Variants in RIMKLB observed in about 807,000 individuals in gnomAD.
RIMKLB encodes beta-citrylglutamate synthase B.
In RIMKLB, 7 loss-of-function variants were observed where a neutral mutation model predicts 32.0. The observed-to-expected ratio is 0.22, with a 90% CI of 0.12 to 0.41. RIMKLB has a LOEUF of 0.41. RIMKLB is among the 10% of genes least tolerant of loss of function. RIMKLB has a pLI of 1.00. For synonymous variants in RIMKLB, 172 were observed against 185.1 expected (o/e 0.93, Z 0.57); for missense variants, 289 against 498.7 (o/e 0.58, Z 4.00).
chr12:8,677,295 TAC>T (rs1286888902), upstream of RIMKLB, among the ~76,000 whole-genome samples: 2 of 152,170 alleles, frequency 1.3e-5, no homozygotes, highest in Non-Finnish European at 2.9e-5. Context: ...TCTACTAAGT[TAC>T]ACAGTTGAAA....
chr12:8,773,888 T>A lies in RIMKLB; in HGVS notation c.*104T>A. The A allele has an allele frequency of 6.8e-7, 1 of 1,463,982 alleles. No individual in the cohort carries two copies. The highest frequency in any genetic ancestry group is 9.0e-7 in the Non-Finnish European group (1 of 1,109,834). The allele number at this position is 1,463,982 out of a possible 1,614,324, so 90.7% of individuals were successfully genotyped here. The stretch of plus-strand genomic sequence containing the variant: ...TGTTCATGGAGGATGCTCAGGAAGA[T>A]GAGAGAAAATTAGTAGGATTAGTTG... On this transcript the variant is annotated 3_prime_UTR_variant, in exon 6 of 6. Coordinates refer to ENST00000535829, the MANE Select transcript of RIMKLB (RefSeq NM_001297776.2).
intron 1 of RIMKLB, among the ~76,000 whole-genome samples, chr12:8,688,627 T>G (rs560343333): frequency 5.5e-4 from 83 of 152,278 alleles, no homozygotes; most frequent in Admixed American, 1.4e-3. Flanking sequence ...ATTACAGGTA[T>G]ATTTTGGTTA....
At chr12:8,686,789 A>G (rs1333995193) in intron 1 of RIMKLB, among the ~76,000 whole-genome samples, 2 of 152,130 alleles carry the variant, frequency 1.3e-5, no homozygotes, top group African/African-American at 4.8e-5. Flanking sequence ...GCCTCCACTG[A>G]CTTTTAAAAA....
chr12:8,686,846 T>G (rs1270106829), intron 1 of RIMKLB, among the ~76,000 whole-genome samples: 2 of 152,166 alleles, frequency 1.3e-5, no homozygotes, highest in East Asian at 3.9e-4. Flanking sequence ...CAGTGTTCAA[T>G]CCTATGCAGA....
the RIMKLB span, chr12:8,669,057 C>G: frequency 0.063 from 9,823 of 155,060 alleles, 964 homozygotes; most frequent in African/African-American, 0.21. Flanking sequence ...AATACCCAAG[C>G]CTGGGTAAGT....
At position 8,774,061 on chromosome 12, in the gene RIMKLB, T is replaced by A; in HGVS notation, c.*277T>A. On this transcript the variant is annotated 3_prime_UTR_variant, in exon 6 of 6. Coordinates refer to ENST00000535829, the MANE Select transcript of RIMKLB (RefSeq NM_001297776.2). ...TTAAATTGCTAAAAAATGTGTATGC[T>A]CATAGGCCATGAGGAACAAATACTT... is the stretch of plus-strand genomic sequence containing the variant. 1 of 1,183,386 alleles carries A rather than the reference T, an allele frequency of 8.5e-7. No individual in the cohort carries two copies. Among genetic ancestry groups the A allele is most frequent in the South Asian group, 3.5e-5 (1 of 28,510 alleles). 73.3% of individuals were successfully genotyped at this position (1,183,386 alleles called of 1,614,324 possible).
At chr12:8,690,572 G>A (rs1942704024) in intron 1 of RIMKLB, among the ~76,000 whole-genome samples, 1 of 152,184 alleles carries the variant, frequency 6.6e-6, no homozygotes, top group Non-Finnish European at 1.5e-5. Flanking sequence ...TTTGCTAGCT[G>A]AGTGACTTCG....
intron 5 of RIMKLB, among the ~76,000 whole-genome samples, chr12:8,765,480 T>TTA (rs1949879569): frequency 6.6e-6 from 1 of 152,154 alleles, no homozygotes; most frequent in Non-Finnish European, 1.5e-5. Context: ...GGTGTTAGTG[T>TTA]CTGATTTAGC....
intron 1 of RIMKLB, among the ~76,000 whole-genome samples, chr12:8,712,060 G>A (rs892229369): frequency 6.6e-6 from 1 of 152,212 alleles, no homozygotes; most frequent in Non-Finnish European, 1.5e-5. Flanking sequence ...GAAACACTCT[G>A]TTTAAGGAGG....
chr12:8,748,950 A>G (rs1948390184), intron 2 of RIMKLB, among the ~76,000 whole-genome samples: 1 of 151,888 alleles, frequency 6.6e-6, no homozygotes, highest in African/African-American at 2.4e-5. Context: ...AAAAGAAGCA[A>G]CTCATATAAA....
In RIMKLB at chr12:8,773,528, A is replaced by G; in HGVS notation, c.905A>G (p.Tyr302Cys). ...GATGTAGCTGGTATCATAGCAGACT[A>G]TGCCGCCTCCCTTCTACCCTCTGGC... ...NLDVAGIIAD[Y>C]AASLLPSGRL... is the part of the protein sequence containing the mutation. Residue 302 changes from tyrosine (Y) to cysteine (C), a missense_variant, in exon 6 of 6, where the codon TAT becomes TGT. Around this residue, in one of 3 missense-constraint regions of RIMKLB, gnomAD observed 99 missense variants for 133.9 expected, o/e 0.74. Coordinates refer to ENST00000535829, the MANE Select transcript of RIMKLB (RefSeq NM_001297776.2). The G allele has an allele frequency of 6.2e-7, 1 of 1,614,218 alleles. No homozygotes were observed. The highest frequency in any genetic ancestry group is 8.5e-7 in the Non-Finnish European group (1 of 1,180,030).
downstream of RIMKLB, chr12:8,779,607 A>AT (rs1279800554): frequency 6.6e-6 from 1 of 152,100 alleles, no homozygotes; most frequent in Non-Finnish European, 1.5e-5. Flanking sequence ...TTATTTCCTG[A>AT]TTTTTTTAAA....
Position 8,751,995 on chromosome 12 carries a change from G to A in RIMKLB, c.445G>A (p.Glu149Lys). The A allele has an allele frequency of 2.5e-6, 4 of 1,613,800 alleles. No homozygotes were observed. Among genetic ancestry groups the A allele is most frequent in the Non-Finnish European group, 3.4e-6 (4 of 1,179,786 alleles). ...ENFAKMIDEA[E>K]VLEFPMVVKN... ...TTTTGCTAAAATGATTGATGAGGCT[G>A]AAGTTCTGGAGTTCCCAATGGTAGT... Residue 149 changes from glutamate (E) to lysine (K), a missense_variant, in exon 4 of 6, where the codon GAA (glutamate) becomes AAA (lysine). Glu to Lys is a moderately conservative substitution (Grantham distance 56, BLOSUM62 1). Around this residue, in one of 3 missense-constraint regions of RIMKLB, gnomAD observed 156 missense variants for 329.5 expected, o/e 0.47. Coordinates refer to ENST00000535829, the MANE Select transcript of RIMKLB (RefSeq NM_001297776.2).
In RIMKLB at chr12:8,773,531, C is replaced by T; in HGVS notation, c.908C>T (p.Ala303Val). 1.2e-6 allele frequency: 2 copies of T among 1,614,224 alleles called. No individual in the cohort carries two copies. The highest frequency in any genetic ancestry group is 1.7e-6 in the Non-Finnish European group (2 of 1,180,022). The change falls in exon 6 of 6, where the codon GCC becomes GTC. Residue 303 changes from alanine to valine, a missense_variant. Coordinates refer to ENST00000535829, the MANE Select transcript of RIMKLB (RefSeq NM_001297776.2). The part of the protein sequence containing the change: ...LDVAGIIADY[A>V]ASLLPSGRLT... Reference sequence around the variant, plus strand: ...GTAGCTGGTATCATAGCAGACTATGCCGCCTCCCTTCTACCCTCTGGCCGG... The same window carrying T: ...GTAGCTGGTATCATAGCAGACTATGTCGCCTCCCTTCTACCCTCTGGCCGG...
upstream of RIMKLB, among the ~76,000 whole-genome samples, chr12:8,678,276 A>C (rs1252538063): frequency 6.6e-6 from 1 of 151,786 alleles, no homozygotes; most frequent in African/African-American, 2.4e-5. Context: ...TTGGCCTCCC[A>C]AAGTGCTAGG....
intron 5 of RIMKLB, among the ~76,000 whole-genome samples, chr12:8,756,684 CTTTTTTTTTT>C (rs145312687): frequency 1.3e-4 from 12 of 90,966 alleles, no homozygotes; most frequent in African/African-American, 1.8e-4. Flanking sequence ...TTACTTTCTA[CTTTTTTTTTT>C]TTTTTTTTTT....
intron 3 of RIMKLB, 77 bp downstream of exon 3, chr12:8,750,169 A>G: frequency 1.2e-6 from 1 of 847,756 alleles, no homozygotes; most frequent in Non-Finnish European, 2.0e-6. Context: ...ACAGACATGA[A>G]AGAACACCTT....
At chr12:8,754,739 C>T (rs970099996) in intron 5 of RIMKLB, among the ~76,000 whole-genome samples, 14 of 152,104 alleles carry the variant, frequency 9.2e-5, no homozygotes, top group African/African-American at 3.1e-4. Flanking sequence ...ACAATGTGTT[C>T]TACCTGTAGT....
chr12:8,766,789 G>A (rs1394853731), intron 5 of RIMKLB, among the ~76,000 whole-genome samples: 1 of 152,218 alleles, frequency 6.6e-6, no homozygotes, highest in Non-Finnish European at 1.5e-5. Context: ...GCTAGGTTAA[G>A]GGAATTTTCA....
Sources: allele counts gnomAD v4.1 joint callset (sites outside exome capture counted in the v4.1 genomes callset), GRCh38; gene constraint gnomAD v4.1.1; regional missense constraint gnomAD v4.1.1; transcripts MANE v1.5; gene names NCBI Gene and HGNC (gene_info 2026-07-23, HGNC 2026-07-21).